The following ARHGEF3 variants were observed in gnomAD, a reference collection of about 807,000 sequenced individuals.
The protein encoded by ARHGEF3 is 59.8 kDA protein.
Under a neutral mutation model 63.2 loss-of-function variants are expected in ARHGEF3, and 28 were observed. The ratio of observed to expected loss-of-function variants is 0.44; its 90% confidence interval spans 0.33 to 0.61. The LOEUF is 0.61. Among genes scored for constraint, ARHGEF3 ranks in the 20% least tolerant of loss-of-function variants. The probability of loss-of-function intolerance (pLI) is 0.03; values close to 1 mark genes in which losing one functional copy is unlikely to be tolerated. For missense variants in ARHGEF3, 533 were observed against 659.3 expected, an observed-to-expected ratio of 0.81 and a Z score of 2.10; for synonymous variants, 266 against 254.2, an observed-to-expected ratio of 1.05 and a Z score of -0.44.
intron 1 of ARHGEF3, among the ~76,000 whole-genome samples, chr3:57,044,273 G>A (rs943522074): frequency 7.9e-5 from 12 of 152,308 alleles, no homozygotes; most frequent in South Asian, 4.2e-4. Context: ...CAGGACACCC[G>A]CGCCATGGAG....
intron 6 of ARHGEF3, among the ~76,000 whole-genome samples, chr3:56,750,385 T>C (rs2034663644): frequency 6.6e-6 from 1 of 152,294 alleles, no homozygotes; most frequent in South Asian, 2.1e-4. Context: ...TAATCTAAGA[T>C]CACAGCTTAC....
intron 3 of ARHGEF3, among the ~76,000 whole-genome samples, chr3:56,928,648 C>T (rs2042336669): frequency 6.6e-6 from 1 of 152,166 alleles, no homozygotes; most frequent in African/African-American, 2.4e-5. Flanking sequence ...TTGCCCAAAT[C>T]TCTCTTGAAA....
At chr3:56,993,515 C>T (rs1377139697) in intron 2 of ARHGEF3, among the ~76,000 whole-genome samples, 1 of 151,958 alleles carries the variant, frequency 6.6e-6, no homozygotes, top group Non-Finnish European at 1.5e-5. Flanking sequence ...GCTGGGACTA[C>T]AGGTGCGTTC....
intron 3 of ARHGEF3, among the ~76,000 whole-genome samples, chr3:56,957,920 CTAT>C (rs954143764): frequency 2.0e-5 from 3 of 152,068 alleles, no homozygotes; most frequent in Non-Finnish European, 4.4e-5. Context: ...TACACTGTGG[CTAT>C]TATTATTATT....
chr3:56,763,701 T>G (rs925575436), intron 2 of ARHGEF3, among the ~76,000 whole-genome samples: 1 of 152,158 alleles, frequency 6.6e-6, no homozygotes, highest in Non-Finnish European at 1.5e-5. Context: ...AATTTTTGTT[T>G]TCTTTTTAAA....
chr3:56,816,130 G>A (rs921477182), intron 4 of ARHGEF3, among the ~76,000 whole-genome samples: 16 of 152,244 alleles, frequency 1.1e-4, no homozygotes, highest in African/African-American at 3.4e-4. Flanking sequence ...CAAGAGGATG[G>A]CTTGAGCCCA....
intron 2 of ARHGEF3, among the ~76,000 whole-genome samples, chr3:57,003,052 G>A (rs895506713): frequency 4.6e-5 from 7 of 151,720 alleles, no homozygotes; most frequent in Non-Finnish European, 1.0e-4. Flanking sequence ...TTACAGGCGT[G>A]AGCCACTGTG....
At chr3:57,018,267 A>T (rs1464666590) in intron 2 of ARHGEF3, among the ~76,000 whole-genome samples, 2 of 129,534 alleles carry the variant, frequency 1.5e-5, no homozygotes, top group Non-Finnish European at 3.3e-5. Context: ...TGACAGAGCA[A>T]GGCTCTGTCA....
rs764132102 is a variant in ARHGEF3, at chr3:56,755,135, C to A, written c.221G>T (p.Arg74Leu). ...GAGGATGTCAGGGCGGCTCTCACTG[C>A]GGAAGCTAATGGAGCGCTAAACAAT... ...SQTLQRSISF[R>L]SESRPDILAP... Residue 74 changes from arginine to leucine, a missense_variant, in exon 3 of 10, where the codon CGC becomes CTC. Around this residue, in one of 4 missense-constraint regions of ARHGEF3, gnomAD observed 160 missense variants for 157.3 expected, o/e 1.02. Transcript: ENST00000296315. 2 of 1,613,504 alleles carry A rather than the reference C, an allele frequency of 1.2e-6. No individual in the cohort carries two copies. Among genetic ancestry groups the A allele is most frequent in the Non-Finnish European group, 1.7e-6 (2 of 1,180,010 alleles).
At chr3:56,734,804 G>C (rs750170164) in intron 8 of ARHGEF3, among the ~76,000 whole-genome samples, 1 of 152,112 alleles carries the variant, frequency 6.6e-6, no homozygotes, top group Non-Finnish European at 1.5e-5. Flanking sequence ...CTGAAAAACA[G>C]GATAAAGCAC....
At chr3:57,075,674 G>A (rs1382727347) in intron 1 of ARHGEF3, among the ~76,000 whole-genome samples, 1 of 152,128 alleles carries the variant, frequency 6.6e-6, no homozygotes, top group African/African-American at 2.4e-5. Flanking sequence ...GCTAGGCATG[G>A]TGGTGCATGC....
intron 3 of ARHGEF3, among the ~76,000 whole-genome samples, chr3:56,924,079 A>C (rs1360567897): frequency 6.6e-6 from 1 of 152,222 alleles, no homozygotes; most frequent in East Asian, 1.9e-4. Flanking sequence ...ATGGACAATA[A>C]GCCCCACGTG....
At chr3:57,033,931 G>A (rs1703841119) in intron 2 of ARHGEF3, among the ~76,000 whole-genome samples, 1 of 151,974 alleles carries the variant, frequency 6.6e-6, no homozygotes, top group South Asian at 2.1e-4. Context: ...TGTAATCCCA[G>A]CTACTCAGGA....
chr3:57,055,005 G>T (rs905962236), intron 1 of ARHGEF3, among the ~76,000 whole-genome samples: 1 of 152,030 alleles, frequency 6.6e-6, no homozygotes, highest in Non-Finnish European at 1.5e-5. Flanking sequence ...ATTTGTAGAA[G>T]TTCTTTATAT....
chr3:56,965,849 C>A (rs531829330), intron 2 of ARHGEF3, among the ~76,000 whole-genome samples: 1 of 151,822 alleles, frequency 6.6e-6, no homozygotes, highest in African/African-American at 2.4e-5. Flanking sequence ...GTGGTTTCAC[C>A]GTGTTAGCCA....
rs1424200009 is a variant in ARHGEF3 at position 57,077,395 on chromosome 3, T to C, written c.-28+1831A>G. Among the ~76,000 whole-genome samples the C allele has an allele frequency of 2.6e-5, 4 of 152,252 alleles. No individual in the cohort carries two copies. In the East Asian group the frequency reaches 5.8e-4, roughly 22 times the overall value. On this transcript the variant is annotated intron_variant, in intron 1 of 12. Coordinates refer to the ARHGEF3 transcript ENST00000338458. ...GGCACAGGCCTCATGGAAAATACAA[T>C]GTAAGGGGAAACCTCTGGAAAAATA... is the stretch of plus-strand genomic sequence containing the variant.
At chr3:56,919,139 G>A (rs541842315) in intron 3 of ARHGEF3, among the ~76,000 whole-genome samples, 1 of 152,290 alleles carries the variant, frequency 6.6e-6, no homozygotes, top group East Asian at 1.9e-4. Flanking sequence ...TTCCTAAGGG[G>A]TTAATCATCC....
At chr3:57,065,458 C>CA (rs1388524528) in intron 1 of ARHGEF3, among the ~76,000 whole-genome samples, 2 of 150,188 alleles carry the variant, frequency 1.3e-5, no homozygotes, top group Non-Finnish European at 3.0e-5. Flanking sequence ...AGGACTCCAT[C>CA]ACAAAACAAA....
intron 4 of ARHGEF3, among the ~76,000 whole-genome samples, chr3:56,811,643 T>G (rs1019786776): frequency 1.3e-5 from 2 of 152,206 alleles, no homozygotes; most frequent in African/African-American, 4.8e-5. Context: ...TCTGCTTTAC[T>G]TGATTTTTTT....
Sources: gnomAD v4.1 joint callset for allele counts (sites outside exome capture counted in the v4.1 genomes callset) on GRCh38, gnomAD v4.1.1 for gene constraint, gnomAD v4.1.1 regional missense constraint, MANE v1.5 for transcripts, NCBI Gene and HGNC (gene_info 2026-07-23, HGNC 2026-07-21) for gene names.